Variants in RBFOX1 observed in about 807,000 individuals in gnomAD.
The protein encoded by RBFOX1 is RNA binding protein fox-1 homolog 1.
In RBFOX1, 8 loss-of-function variants were observed where a neutral mutation model predicts 57.7. That is an observed-to-expected ratio of 0.14 (90% CI 0.08 to 0.25). RBFOX1 has a LOEUF of 0.25. RBFOX1 is among the 10% of genes least tolerant of loss of function. RBFOX1 has a pLI of 1.00. For synonymous variants in RBFOX1, 326 were observed against 222.4 expected, an observed-to-expected ratio of 1.47 and a Z score of -4.15; for missense variants, 611 against 548.5, an observed-to-expected ratio of 1.11 and a Z score of -1.14.
intron 3 of RBFOX1, among the ~76,000 whole-genome samples, chr16:6,806,868 C>T (rs149063511): frequency 1.1e-5 from 1 of 89,400 alleles, no homozygotes; most frequent in African/African-American, 4.7e-5. Flanking sequence ...AAGTCTTGCT[C>T]TGTTACCCAG....
chr16:6,649,434 G>T (rs1471785454), intron 2 of RBFOX1, among the ~76,000 whole-genome samples: 1 of 152,160 alleles, frequency 6.6e-6, no homozygotes, highest in African/African-American at 2.4e-5. Flanking sequence ...GTTCTTCAGT[G>T]GTGGTTTCTG....
chr16:6,212,658 G>T (rs1043000067), intron 1 of RBFOX1, among the ~76,000 whole-genome samples: 1 of 152,138 alleles, frequency 6.6e-6, no homozygotes, highest in South Asian at 2.1e-4. Flanking sequence ...AGTGAGCTGA[G>T]ATCGTGCCAC....
chr16:6,576,785 T>A (rs913396953), intron 2 of RBFOX1: 2 of 152,194 alleles, frequency 1.3e-5, no homozygotes, highest in African/African-American at 4.8e-5. Flanking sequence ...CCCACAATCC[T>A]GGGGGAAGGG....
At chr16:5,775,598 C>A (rs1011136520) in intron 3 of RBFOX1, among the ~76,000 whole-genome samples, 2 of 152,190 alleles carry the variant, frequency 1.3e-5, no homozygotes, top group Non-Finnish European at 2.9e-5. Flanking sequence ...GGCCTGTTGG[C>A]CATCCATACC....
chr16:7,393,574 G>A (rs570090474), intron 4 of RBFOX1, among the ~76,000 whole-genome samples: 12 of 152,130 alleles, frequency 7.9e-5, no homozygotes, highest in African/African-American at 2.9e-4. Context: ...AATGCTATAG[G>A]GGGTGGTGGT....
At chr16:6,455,945 A>G (rs548849578) in intron 2 of RBFOX1, among the ~76,000 whole-genome samples, 154 of 152,288 alleles carry the variant, frequency 1.0e-3, no homozygotes, top group African/African-American at 3.4e-3. Context: ...ATTTTTTCCA[A>G]TTGATTAAGA....
At chr16:6,324,789 GAT>G (rs976027213) in intron 2 of RBFOX1, among the ~76,000 whole-genome samples, 1 of 152,234 alleles carries the variant, frequency 6.6e-6, no homozygotes, top group East Asian at 1.9e-4. Context: ...AAGCAAATGA[GAT>G]ATAGAAACTA....
chr16:7,309,761 G>A (rs2096269145), intron 4 of RBFOX1, among the ~76,000 whole-genome samples: 1 of 152,172 alleles, frequency 6.6e-6, no homozygotes, highest in Non-Finnish European at 1.5e-5. Flanking sequence ...GAACGAAATT[G>A]CAGCATTGTA....
intron 3 of RBFOX1, among the ~76,000 whole-genome samples, chr16:6,880,005 C>G (rs562301608): frequency 7.2e-5 from 11 of 152,238 alleles, no homozygotes; most frequent in East Asian, 1.9e-4. Context: ...TAGTCTTAAT[C>G]TTTCATACTT....
intron 3 of RBFOX1, among the ~76,000 whole-genome samples, chr16:5,711,473 C>G (rs2051485150): frequency 6.6e-6 from 1 of 152,140 alleles, no homozygotes; most frequent in Non-Finnish European, 1.5e-5. Flanking sequence ...GGGGTTTGGA[C>G]AGACAATGTC....
At chr16:7,669,244 G>A (rs1179660938) in intron 13 of RBFOX1, among the ~76,000 whole-genome samples, 1 of 152,124 alleles carries the variant, frequency 6.6e-6, no homozygotes, top group Non-Finnish European at 1.5e-5. Flanking sequence ...GTTGACCAAG[G>A]AGTGGAAAAC....
chr16:6,249,273 T>A (rs2097587980), intron 1 of RBFOX1, among the ~76,000 whole-genome samples: 1 of 152,036 alleles, frequency 6.6e-6, no homozygotes, highest in Non-Finnish European at 1.5e-5. Flanking sequence ...GTGACCATAA[T>A]CCCAGCACTT....
At position 5,746,139 on chromosome 16, in the gene RBFOX1, T is replaced by C. The variant is rs147527945; in HGVS notation, c.319-121164T>C. Among the ~76,000 whole-genome samples, 433 of 152,342 alleles carry C rather than the reference T, an allele frequency of 2.8e-3. 3 individuals carry two copies. Among genetic ancestry groups the C allele is most frequent in the African/African-American group, 0.01 (424 of 41,590 alleles). On this transcript the variant is annotated intron_variant, in intron 3 of 19. Transcript: ENST00000641259. ...TATAAGGTGTAAAGAAGGGATCCAG[T>C]TTCAGCTTTCTCTATATGGCTAGCC... is the stretch of plus-strand genomic sequence containing the variant.
At chr16:5,768,154 C>A (rs2053851239) in intron 3 of RBFOX1, among the ~76,000 whole-genome samples, 1 of 152,142 alleles carries the variant, frequency 6.6e-6, no homozygotes, top group Non-Finnish European at 1.5e-5. Flanking sequence ...TTAATGAATG[C>A]ATGTGTGGCC....
At chr16:6,608,962 A>C (rs577312375) in intron 2 of RBFOX1, among the ~76,000 whole-genome samples, 65 of 152,174 alleles carry the variant, frequency 4.3e-4, no homozygotes, top group African/African-American at 1.4e-3. Flanking sequence ...GCCTTTTCCA[A>C]GTTCAAAGCC....
intron 2 of RBFOX1, among the ~76,000 whole-genome samples, chr16:5,526,903 A>G (rs1000583606): frequency 1.3e-5 from 2 of 152,192 alleles, no homozygotes; most frequent in South Asian, 2.1e-4. Context: ...CCTTGGGCAC[A>G]TTTGCTCGCC....
intron 4 of RBFOX1, among the ~76,000 whole-genome samples, chr16:7,078,107 G>A (rs1322369176): frequency 6.6e-6 from 1 of 152,142 alleles, no homozygotes; most frequent in Non-Finnish European, 1.5e-5. Flanking sequence ...TTTGGCTCAT[G>A]AGAAAGGCTG....
chr16:6,883,076 A>C (rs2153346030), intron 3 of RBFOX1, among the ~76,000 whole-genome samples: 1 of 152,290 alleles, frequency 6.6e-6, no homozygotes, highest in Non-Finnish European at 1.5e-5. Context: ...GGCTTCTCAA[A>C]CCATTATTAA....
At position 6,802,683 on chromosome 16, in the gene RBFOX1, A is replaced by G. The variant is rs920901524; in HGVS notation, c.-16+148033A>G. On this transcript the variant is annotated intron_variant, in intron 3 of 15. Transcript: ENST00000550418. ...CAGTGAGACTCCGTCTCAATTAAAA[A>G]CAAAAAAAGTGCATGTTATTTGATG... Among the ~76,000 whole-genome samples, 5 of 152,206 alleles carry G rather than the reference A, an allele frequency of 3.3e-5. No homozygotes were observed. In the East Asian group the frequency reaches 9.6e-4, roughly 29 times the overall value.
Sources: allele counts gnomAD v4.1 joint callset (sites outside exome capture counted in the v4.1 genomes callset), GRCh38; gene constraint gnomAD v4.1.1; transcripts MANE v1.5; gene names NCBI Gene and HGNC (gene_info 2026-07-23, HGNC 2026-07-21).